SRGAP1: variants seen among roughly 807,000 people sequenced by gnomAD.
The protein encoded by SRGAP1 is SLIT-ROBO Rho GTPase activating protein 1.
Under a neutral mutation model 121.9 loss-of-function variants are expected in SRGAP1, and 43 were observed. The ratio of observed to expected loss-of-function variants is 0.35; its 90% CI spans 0.28 to 0.46. SRGAP1 has a LOEUF of 0.46. SRGAP1 is among the 20% of genes least tolerant of loss of function. The pLI is 1.00. For missense variants in SRGAP1, 1,102 were observed against 1,350.9 expected, an observed-to-expected ratio of 0.82 and a Z score of 2.89; for synonymous variants, 447 against 485.4, an observed-to-expected ratio of 0.92 and a Z score of 1.04.
intron 1 of SRGAP1, among the ~76,000 whole-genome samples, chr12:63,906,406 C>T (rs534624386): frequency 1.0e-3 from 154 of 150,324 alleles, no homozygotes; most frequent in Non-Finnish European, 2.0e-3. Flanking sequence ...GCTCCGCCTC[C>T]TGGGTCCACA....
intron 2 of SRGAP1, among the ~76,000 whole-genome samples, chr12:63,988,763 A>C (rs1236426639): frequency 1.3e-5 from 2 of 152,170 alleles, no homozygotes; most frequent in African/African-American, 4.8e-5. Context: ...ATTCTCTGCT[A>C]TTTTGCCATT....
At chr12:63,980,945 G>A (rs1472326519) in intron 1 of SRGAP1, among the ~76,000 whole-genome samples, 1 of 152,040 alleles carries the variant, frequency 6.6e-6, no homozygotes, top group East Asian at 1.9e-4. Flanking sequence ...TTTTAAAAAT[G>A]ATCTTTCTTA....
At chr12:63,860,990 C>A (rs1047244065) in intron 1 of SRGAP1, among the ~76,000 whole-genome samples, 1 of 152,038 alleles carries the variant, frequency 6.6e-6, no homozygotes, top group Non-Finnish European at 1.5e-5. Context: ...CGCAGACCGC[C>A]AAGCCTGGCC....
chr12:63,882,266 A>ATTTTG (rs149167503), intron 1 of SRGAP1, among the ~76,000 whole-genome samples: 23 of 150,920 alleles, frequency 1.5e-4, no homozygotes, highest in African/African-American at 3.7e-4. Flanking sequence ...TGCTTCTGTA[A>ATTTTG]TTTTGTTTTG....
intron 1 of SRGAP1, among the ~76,000 whole-genome samples, chr12:63,907,793 G>A (rs1437349556): frequency 6.6e-6 from 1 of 152,034 alleles, no homozygotes; most frequent in African/African-American, 2.4e-5. Flanking sequence ...AGTAACCATT[G>A]CCTAACCCAG....
At chr12:64,062,150 A>T (rs1345916896) in intron 6 of SRGAP1, among the ~76,000 whole-genome samples, 2 of 152,196 alleles carry the variant, frequency 1.3e-5, no homozygotes, top group Admixed American at 6.5e-5. Context: ...CCAGCAGTGT[A>T]TGAGGGCTCC....
intron 1 of SRGAP1, among the ~76,000 whole-genome samples, chr12:63,980,336 G>A (rs962282487): frequency 6.6e-6 from 1 of 152,188 alleles, no homozygotes; most frequent in East Asian, 1.9e-4. Context: ...TTACATCCAT[G>A]AGCCAGTCTG....
At chr12:63,870,791 T>C (rs977005718) in intron 1 of SRGAP1, among the ~76,000 whole-genome samples, 1 of 152,116 alleles carries the variant, frequency 6.6e-6, no homozygotes, top group African/African-American at 2.4e-5. Context: ...TCCGCCTGCC[T>C]CACAATATTC....
At chr12:63,977,584 A>C (rs1243354103) in intron 1 of SRGAP1, among the ~76,000 whole-genome samples, 1 of 152,210 alleles carries the variant, frequency 6.6e-6, no homozygotes, top group Non-Finnish European at 1.5e-5. Context: ...GAGCAATAGC[A>C]AGACATTCCT....
At chr12:63,964,475 AGTAACTT>A (rs987003763) in intron 1 of SRGAP1, among the ~76,000 whole-genome samples, 139 of 152,274 alleles carry the variant, frequency 9.1e-4, no homozygotes, top group African/African-American at 3.3e-3. Flanking sequence ...AAAGAGGATT[AGTAACTT>A]GCCCAGGGTC....
intron 1 of SRGAP1, among the ~76,000 whole-genome samples, chr12:63,945,454 C>T (rs1247675792): frequency 1.3e-5 from 2 of 151,996 alleles, no homozygotes; most frequent in Non-Finnish European, 2.9e-5. Context: ...TGTGATGTTC[C>T]CCTCCCTGTG....
rs1180254727 is a variant in SRGAP1 at position 64,158,931 on chromosome 12, T to G, written c.*16259T>G. On this transcript the variant is annotated 3_prime_UTR_variant, in exon 22 of 22. Transcript: ENST00000355086. ...GTTGAGGAAAAAATGATAAGAACCC[T>G]CTCTGCCCCACCATTCACATCATTC... The G allele has an allele frequency of 6.6e-6, 1 of 152,094 alleles. No homozygotes were observed. Among genetic ancestry groups the G allele is most frequent in the Non-Finnish European group, 1.5e-5 (1 of 68,030 alleles). 9.4% of individuals were successfully genotyped at this position (152,094 alleles called of 1,614,324 possible). A position where few individuals can be genotyped will look rare whatever the true frequency, so the allele number is the denominator to read the frequency against.
chr12:64,120,903 T>C (rs2036595736), intron 18 of SRGAP1, among the ~76,000 whole-genome samples: 1 of 152,146 alleles, frequency 6.6e-6, no homozygotes, highest in African/African-American at 2.4e-5. Context: ...ATTACAAAGG[T>C]TGGTTGTTTG....
chr12:63,896,027 CTG>C (rs1900743701), intron 1 of SRGAP1, among the ~76,000 whole-genome samples: 2 of 152,146 alleles, frequency 1.3e-5, no homozygotes, highest in East Asian at 3.9e-4. Flanking sequence ...ATGGTTATGA[CTG>C]TGGGCTCTGG....
chr12:63,947,531 A>G (rs181460089), intron 1 of SRGAP1, among the ~76,000 whole-genome samples: 1 of 152,338 alleles, frequency 6.6e-6, no homozygotes, highest in East Asian at 1.9e-4. Context: ...CTGTTGCTCT[A>G]GAACTATCCA....
intron 15 of SRGAP1, among the ~76,000 whole-genome samples, chr12:64,106,696 G>A (rs573501357): frequency 2.6e-4 from 39 of 152,230 alleles, no homozygotes; most frequent in Middle Eastern, 3.4e-3. Context: ...TTATACACCT[G>A]TTGAATAACT....
At chr12:64,050,815 C>T (rs2035223552) in intron 6 of SRGAP1, among the ~76,000 whole-genome samples, 1 of 152,146 alleles carries the variant, frequency 6.6e-6, no homozygotes, top group South Asian at 2.1e-4. Context: ...ACCTCCACCT[C>T]CCAGGTTCAA....
intron 8 of SRGAP1, among the ~76,000 whole-genome samples, chr12:64,067,195 T>C (rs2035556441): frequency 6.6e-6 from 1 of 152,218 alleles, no homozygotes; most frequent in Non-Finnish European, 1.5e-5. Flanking sequence ...TTTGTGATCC[T>C]TAATGTATGC....
At chr12:63,955,939 G>A (rs187163773) in intron 1 of SRGAP1, among the ~76,000 whole-genome samples, 20 of 152,268 alleles carry the variant, frequency 1.3e-4, no homozygotes, top group Admixed American at 1.2e-3. Context: ...AGTACTCTGT[G>A]TTCTCAAAAG....
Sources: gnomAD v4.1 joint callset for allele counts (sites outside exome capture counted in the v4.1 genomes callset) on GRCh38, gnomAD v4.1.1 for gene constraint, MANE v1.5 for transcripts, NCBI Gene and HGNC (gene_info 2026-07-23, HGNC 2026-07-21) for gene names.